ZNF423: variants seen among roughly 807,000 people sequenced by gnomAD.
ZNF423 encodes Ebf-associated zinc finger protein.
Under a neutral mutation model 95.8 loss-of-function variants are expected in ZNF423, and 12 were observed. The ratio of observed to expected loss-of-function variants is 0.13; its 90% CI spans 0.08 to 0.20. ZNF423 has a LOEUF of 0.20. ZNF423 is among the 10% of genes least tolerant of loss of function. The pLI is 1.00. For synonymous variants in ZNF423, 749 were observed against 711.9 expected (o/e 1.05, Z -0.83); for missense variants, 1,316 against 1,737.1 (o/e 0.76, Z 4.31).
At chr16:49,578,003 G>T (rs11641497) in intron 5 of ZNF423, among the ~76,000 whole-genome samples, 19,120 of 152,266 alleles carry the variant, frequency 0.13, 1,305 homozygotes, top group East Asian at 0.14. Flanking sequence ...GCGGCAGGGG[G>T]TGAATGTCCA....
intron 5 of ZNF423, among the ~76,000 whole-genome samples, chr16:49,558,921 G>C (rs536661619): frequency 6.6e-6 from 1 of 152,230 alleles, no homozygotes; most frequent in Admixed American, 6.5e-5. Context: ...GAGGGGCCCA[G>C]CAATGACATC....
At chr16:49,752,177 C>T (rs1212016083) in intron 2 of ZNF423, among the ~76,000 whole-genome samples, 1 of 152,262 alleles carries the variant, frequency 6.6e-6, no homozygotes, top group Non-Finnish European at 1.5e-5. Context: ...GGCCACTGTG[C>T]CCGTGACGTG....
chr16:49,489,783 C>G lies in ZNF423; in HGVS notation c.*1492G>C, dbSNP rs963567157. ...GAAAAGTTAGCAAGGAAGGGTTTCC[C>G]CGTGCAAGTTCTGGCCTCTGATTGG... On this transcript the variant is annotated 3_prime_UTR_variant, in exon 8 of 8. Coordinates refer to ENST00000563137, the MANE Select transcript of ZNF423 (RefSeq NM_001379286.1). 1 of 152,320 alleles carries G rather than the reference C, an allele frequency of 6.6e-6. No homozygotes were observed. 9.4% of individuals were successfully genotyped at this position (152,320 alleles called of 1,614,324 possible).
At chr16:49,734,019 G>A (rs546936752) in intron 2 of ZNF423, among the ~76,000 whole-genome samples, 9 of 152,340 alleles carry the variant, frequency 5.9e-5, no homozygotes, top group Non-Finnish European at 1.2e-4. Flanking sequence ...ACGTTCACGT[G>A]TTCATTAAGC....
At chr16:49,699,541 G>A (rs1292237862) in intron 3 of ZNF423, among the ~76,000 whole-genome samples, 4 of 152,174 alleles carry the variant, frequency 2.6e-5, no homozygotes, top group Non-Finnish European at 1.5e-5. Flanking sequence ...TTTGATGCTG[G>A]AAGGAGGTTT....
At chr16:49,620,653 G>A (rs761934173) in intron 5 of ZNF423, among the ~76,000 whole-genome samples, 9 of 152,098 alleles carry the variant, frequency 5.9e-5, no homozygotes, top group Non-Finnish European at 1.2e-4. Context: ...ACCCTCCCCG[G>A]GGCTCCCCCA....
At position 49,749,849 on chromosome 16, in the gene ZNF423, T is replaced by C. The variant is rs1002556233; in HGVS notation, c.101-18878A>G. 2.6e-5 allele frequency among the ~76,000 whole-genome samples: 4 copies of C among 152,318 alleles called. No homozygotes were observed. The South Asian group carries it at 8.3e-4, about 32-fold the overall frequency. ...AGAAAAGGTTTCCTCGCTTTGCAAA[T>C]GGGTTCACCCTGGGAGTCTTTGCAT... On this transcript the variant is annotated intron_variant, in intron 2 of 7. Transcript: ENST00000563137.
intron 5 of ZNF423, among the ~76,000 whole-genome samples, chr16:49,547,606 G>A (rs757591942): frequency 7.2e-5 from 11 of 152,216 alleles, no homozygotes; most frequent in Non-Finnish European, 1.2e-4. Flanking sequence ...AGTGGTGAGT[G>A]GGCCCTGGCG....
intron 1 of ZNF423, among the ~76,000 whole-genome samples, chr16:49,808,307 C>G (rs942005607): frequency 3.3e-5 from 5 of 152,154 alleles, no homozygotes; most frequent in Non-Finnish European, 7.4e-5. Context: ...AGCAATTCTC[C>G]TGCCTTGGCC....
intron 5 of ZNF423, among the ~76,000 whole-genome samples, chr16:49,581,477 G>A (rs1378723172): frequency 2.0e-5 from 3 of 152,196 alleles, no homozygotes; most frequent in African/African-American, 4.8e-5. Flanking sequence ...TGAAATCTCT[G>A]TCCCTTGGAG....
intron 2 of ZNF423, among the ~76,000 whole-genome samples, chr16:49,756,811 C>T (rs1021570564): frequency 6.6e-6 from 1 of 152,190 alleles, no homozygotes; most frequent in East Asian, 1.9e-4. Flanking sequence ...TTGTGAGCAC[C>T]CCTGAGGACA....
intron 2 of ZNF423, among the ~76,000 whole-genome samples, chr16:49,783,294 A>T (rs1361767694): frequency 7.0e-6 from 1 of 143,100 alleles, no homozygotes; most frequent in Non-Finnish European, 1.5e-5. Flanking sequence ...TAGAGTTAGG[A>T]TTAGTGCCAG....
chr16:49,607,377 G>T (rs549626740), intron 5 of ZNF423, among the ~76,000 whole-genome samples: 1 of 152,182 alleles, frequency 6.6e-6, no homozygotes, highest in South Asian at 2.1e-4. Flanking sequence ...AAGGATTCAT[G>T]TTATCAGTAG....
At chr16:49,649,136 T>A (rs1329599661) in intron 3 of ZNF423, among the ~76,000 whole-genome samples, 1 of 152,120 alleles carries the variant, frequency 6.6e-6, no homozygotes, top group Non-Finnish European at 1.5e-5. Context: ...ACTACTCAGA[T>A]GAAAGTACAT....
intron 1 of ZNF423, among the ~76,000 whole-genome samples, chr16:49,818,176 G>A (rs549653429): frequency 1.3e-5 from 2 of 152,042 alleles, no homozygotes; most frequent in Non-Finnish European, 2.9e-5. Context: ...CCGCCCCCCA[G>A]AATGGATCGC....
chr16:49,710,298 C>T (rs2032502857), intron 3 of ZNF423, among the ~76,000 whole-genome samples: 1 of 152,208 alleles, frequency 6.6e-6, no homozygotes, highest in Admixed American at 6.5e-5. Flanking sequence ...TCCTCCCTGC[C>T]TCCATAGTTG....
At chr16:49,614,279 TAAACAAATA>T (rs920603551) in intron 5 of ZNF423, among the ~76,000 whole-genome samples, 1 of 152,108 alleles carries the variant, frequency 6.6e-6, no homozygotes, top group Admixed American at 6.6e-5. Context: ...TTGGCTAAAC[TAAACAAATA>T]GTGACAGAAC....
At chr16:49,740,236 C>T (rs2033386282) in intron 2 of ZNF423, among the ~76,000 whole-genome samples, 1 of 152,134 alleles carries the variant, frequency 6.6e-6, no homozygotes, top group South Asian at 2.1e-4. Context: ...AACATGTTCC[C>T]GAGGGCAAGA....
Position 49,637,612 on chromosome 16 carries a change from T to G in ZNF423, c.1564A>C (p.Asn522His). The change falls in exon 4 of 8, where the codon AAT (asparagine) becomes CAT (histidine). Residue 522 changes from asparagine to histidine, a missense_variant. By Grantham distance (68) the Asn-to-His change is moderately conservative (BLOSUM62 1). This residue lies in a region of ZNF423 where 399 missense variants were observed against 478.5 expected (regional missense o/e 0.83). Coordinates refer to ENST00000563137, the MANE Select transcript of ZNF423 (RefSeq NM_001379286.1). The surrounding 1 kb of genome is among the most constrained non-coding windows in gnomAD (Gnocchi z 5.6). Reference protein sequence around the residue: ...CGPNANPSDGNNAFFCNQCSM... With the variant: ...CGPNANPSDGHNAFFCNQCSM... Reference sequence around the variant, plus strand: ...CACTGGTTGCAGAAGAAAGCATTATTACCGTCAGAGGGGTTGGCGTTGGGG... The same window carrying G: ...CACTGGTTGCAGAAGAAAGCATTATGACCGTCAGAGGGGTTGGCGTTGGGG... 4.3e-6 allele frequency: 7 copies of G among 1,614,030 alleles called. No homozygotes were observed. Among genetic ancestry groups the G allele is most frequent in the Non-Finnish European group, 5.9e-6 (7 of 1,180,032 alleles).
Sources: allele counts gnomAD v4.1 joint callset (sites outside exome capture counted in the v4.1 genomes callset), GRCh38; gene constraint gnomAD v4.1.1; regional missense constraint gnomAD v4.1.1; non-coding constraint Gnocchi (gnomAD v3.1); transcripts MANE v1.5; gene names NCBI Gene and HGNC (gene_info 2026-07-23, HGNC 2026-07-21).